ANKDD1A: variants seen among roughly 807,000 people sequenced by gnomAD.
The protein encoded by ANKDD1A is ankyrin repeat and death domain-containing protein 1A.
ANKDD1A carries 59 observed loss-of-function variants against 63.5 expected under a neutral mutation model. The ratio of observed to expected loss-of-function variants is 0.93; its 90% CI spans 0.75 to 1.15. ANKDD1A has a LOEUF of 1.15. Among genes scored for constraint, ANKDD1A ranks in the 50% most tolerant of loss-of-function variants. The pLI, the probability that ANKDD1A is intolerant of heterozygous loss-of-function variation, is 0.00. For synonymous variants in ANKDD1A, 266 were observed against 263.9 expected (o/e 1.01, Z -0.08); for missense variants, 632 against 656.4 (o/e 0.96, Z 0.41).
At chr15:64,940,887 C>T (rs2085178579) in intron 9 of ANKDD1A, among the ~76,000 whole-genome samples, 1 of 152,138 alleles carries the variant, frequency 6.6e-6, no homozygotes, top group Non-Finnish European at 1.5e-5. Flanking sequence ...TACAGGTGTG[C>T]ACCACTATGC....
At chr15:64,953,801 CCTTTT>C (rs1566917920) in intron 14 of ANKDD1A, among the ~76,000 whole-genome samples, 1,888 of 123,778 alleles carry the variant, frequency 0.015, 19 homozygotes, top group South Asian at 0.047. Flanking sequence ...CTTTCTTCTT[CCTTTT>C]TTTCTTCTTC....
At chr15:64,931,362 AGGGCAGT>A in intron 7 of ANKDD1A, 118 bp from the exon 8 acceptor site, 2 of 777,576 alleles carry the variant, frequency 2.6e-6, no homozygotes, top group South Asian at 1.8e-5. Context: ...TCCCAGGGGC[AGGGCAGT>A]GGAGAGCTCA....
intron 14 of ANKDD1A, chr15:64,951,393 T>C (rs2085272181): frequency 3.9e-6 from 1 of 254,746 alleles, no homozygotes; most frequent in Non-Finnish European, 5.1e-6. Flanking sequence ...CTTTTCTTCT[T>C]CCTCTTTTTT....
intron 10 of ANKDD1A, chr15:64,943,164 A>G (rs926574309): frequency 4.6e-5 from 14 of 301,980 alleles, no homozygotes; most frequent in Non-Finnish European, 7.4e-5. Context: ...CTTCAATTTG[A>G]AAATGGCCTA....
rs995828353 is a variant in ANKDD1A at position 64,957,792 on chromosome 15, T to G, written c.*604T>G. On this transcript the variant is annotated 3_prime_UTR_variant, in exon 15 of 15. Transcript: ENST00000319580. ...TGGCTTCCCTGCTCTCAGTGAAGCATTTTATTAAAAGAATAATTATAATTA... is the reference window on the plus strand; with the variant it reads ...TGGCTTCCCTGCTCTCAGTGAAGCAGTTTATTAAAAGAATAATTATAATTA... 1 of 152,210 alleles carries G rather than the reference T, an allele frequency of 6.6e-6. No individual in the cohort carries two copies. Among genetic ancestry groups the G allele is most frequent in the Non-Finnish European group, 1.5e-5 (1 of 68,042 alleles). The allele number at this position is 152,210 out of a possible 1,614,324, so 9.4% of individuals were successfully genotyped here.
chr15:64,954,433 GTCGTCTTCTCCTTCTTCT>G (rs2085385500), intron 14 of ANKDD1A, among the ~76,000 whole-genome samples: 1 of 109,948 alleles, frequency 9.1e-6, no homozygotes, highest in Non-Finnish European at 1.8e-5. Context: ...TCCTTCGTTC[GTCGTCTTCTCCTTCTTCT>G]TCTTCCCTCT....
At position 64,926,106 on chromosome 15, in the gene ANKDD1A, A is replaced by G. The variant is rs1487418984; in HGVS notation, c.407A>G (p.His136Arg). The change falls in exon 5 of 15, where the codon CAT becomes CGT. Residue 136 changes from histidine (H) to arginine (R), a missense_variant. Transcript: ENST00000319580. ...TLLHCAAQKGHVPVLAFIMED... is the reference protein window; with the variant it reads ...TLLHCAAQKGRVPVLAFIMED... ...CTGCACTGCGCAGCCCAAAAAGGCCATGTGCCTGTGCTGGCGTTCATAATG... is the reference window on the plus strand; with the variant it reads ...CTGCACTGCGCAGCCCAAAAAGGCCGTGTGCCTGTGCTGGCGTTCATAATG... The G allele has an allele frequency of 1.9e-6, 3 of 1,614,022 alleles. No homozygotes were observed. Among genetic ancestry groups the G allele is most frequent in the South Asian group, 1.1e-5 (1 of 91,072 alleles).
chr15:64,926,906 G>C lies in ANKDD1A; in HGVS notation c.477G>C (p.Gly159=), dbSNP rs760540390. The stretch of plus-strand genomic sequence containing the variant: ...CCGCTTCTCCTCCCGGCCAGCTGGG[G>C]AGGACGGCGTTTCACAGGGCAGCTG... ...DVALDHVDKL[G]RTAFHRAAEH... Residue 159 remains glycine (G), a synonymous_variant, in exon 6 of 15, where the codon GGG becomes GGC. Coordinates refer to ENST00000319580, the MANE Select transcript of ANKDD1A (RefSeq NM_182703.6). 7.4e-6 allele frequency: 12 copies of C among 1,614,198 alleles called. No homozygotes were observed. The African/African-American group carries it at 1.6e-4, about 22-fold the overall frequency.
At chr15:64,952,262 T>G (rs930618952) in intron 14 of ANKDD1A, among the ~76,000 whole-genome samples, 1 of 150,688 alleles carries the variant, frequency 6.6e-6, no homozygotes, top group African/African-American at 2.4e-5. Context: ...TCCTTCTTCC[T>G]TCTCCTTCTT....
At chr15:64,952,995 TTC>T (rs567236917) in intron 14 of ANKDD1A, among the ~76,000 whole-genome samples, 401 of 11,898 alleles carry the variant, frequency 0.034, 1 homozygote, top group Admixed American at 0.15. Context: ...CTTCTTCTCC[TTC>T]TTAGTTCTTT....
chr15:64,943,582 G>T lies in ANKDD1A; in HGVS notation c.1065G>T (p.Lys355Asn), dbSNP rs182531402. Residue 355 changes from lysine to asparagine, a missense_variant and splice_region_variant, in exon 11 of 15, where the codon AAG becomes AAT. By Grantham distance (94) the Lys-to-Asn change is moderately conservative (BLOSUM62 0). Transcript: ENST00000319580. Reference sequence around the variant, plus strand: ...GGGTTGACTTAAACCTGAGAGATAAGGTACCTCTGCTTACAACCCACCTCG... The same window carrying T: ...GGGTTGACTTAAACCTGAGAGATAATGTACCTCTGCTTACAACCCACCTCG... ...IAGVDLNLRDKQGKTALAVAV... is the reference protein window; with the variant it reads ...IAGVDLNLRDNQGKTALAVAV... 3.7e-6 allele frequency: 6 copies of T among 1,614,052 alleles called. No individual in the cohort carries two copies. In the East Asian group the frequency reaches 1.1e-4, roughly 30 times the overall value.
At chr15:64,950,748 C>A in intron 14 of ANKDD1A, 2 of 377,518 alleles carry the variant, frequency 5.3e-6, no homozygotes, top group Non-Finnish European at 3.3e-6. Context: ...CCCCCCCCCC[C>A]CCATAGCTGC....
At chr15:64,933,702 C>T (rs568716098) in intron 8 of ANKDD1A, among the ~76,000 whole-genome samples, 9 of 152,186 alleles carry the variant, frequency 5.9e-5, no homozygotes, top group East Asian at 5.8e-4. Flanking sequence ...ATTAGCTGGG[C>T]GTAGTGGCAG....
Position 64,953,641 on chromosome 15 carries a change from C to CT in ANKDD1A, c.1484-3461dup, listed in dbSNP as rs1595860389. 2.7e-3 allele frequency among the ~76,000 whole-genome samples: 11 copies of CT among 4,062 alleles called. No individual in the cohort carries two copies. The East Asian group carries it at 0.075, about 28-fold the overall frequency. 2.7% of individuals were successfully genotyped at this position (4,062 alleles called of 152,430 possible). On this transcript the variant is annotated intron_variant, in intron 14 of 14. Coordinates refer to ENST00000319580, the MANE Select transcript of ANKDD1A (RefSeq NM_182703.6). ...TTCTTCTTCTTCTTCCTTCTTCTTC[C>CT]TCTTCCTTCTCCTTCTTTTCTTTCT... is the stretch of plus-strand genomic sequence containing the variant.
At chr15:64,956,310 G>A (rs2085416173) in intron 14 of ANKDD1A, among the ~76,000 whole-genome samples, 1 of 151,714 alleles carries the variant, frequency 6.6e-6, no homozygotes, top group Admixed American at 6.6e-5. Flanking sequence ...AGCACTTTGG[G>A]AGGGCAAGGC....
chr15:64,923,581 T>C (rs139471791), intron 4 of ANKDD1A, among the ~76,000 whole-genome samples: 3 of 152,302 alleles, frequency 2.0e-5, no homozygotes, highest in African/African-American at 7.2e-5. Flanking sequence ...CCCATGCCAT[T>C]GTTAGGATCC....
rs2085223385 is a variant in ANKDD1A, at chr15:64,946,414, A to G, written c.1162-990A>G. Among the ~76,000 whole-genome samples, 4 of 152,214 alleles carry G rather than the reference A, an allele frequency of 2.6e-5. No homozygotes were observed. In the South Asian group the frequency reaches 8.3e-4, roughly 32 times the overall value. The stretch of plus-strand genomic sequence containing the variant: ...AGATGTTCTCCCACTGATATGCTAG[A>G]TTCCCTTAAACATGACAACCCCTTT... On this transcript the variant is annotated intron_variant, in intron 12 of 14. Transcript: ENST00000319580.
chr15:64,949,871 G>T lies in ANKDD1A; in HGVS notation c.1382G>T (p.Arg461Leu). Residue 461 changes from arginine to leucine, a missense_variant, in exon 14 of 15, where the codon CGA (arginine) becomes CTA (leucine). Coordinates refer to ENST00000319580, the MANE Select transcript of ANKDD1A (RefSeq NM_182703.6). ...GTRSYQEHGHRMLLIWLHGVA... is the reference protein window; with the variant it reads ...GTRSYQEHGHLMLLIWLHGVA... ...AGGAGCTATCAGGAGCACGGCCACC[G>T]AATGCTGCTCATTTGGCTGCATGGC... 6.2e-7 allele frequency: 1 copy of T among 1,604,176 alleles called. No homozygotes were observed. The highest frequency in any genetic ancestry group is 1.1e-5 in the South Asian group (1 of 91,076).
intron 14 of ANKDD1A, among the ~76,000 whole-genome samples, chr15:64,953,562 C>CCTT (rs2085347072): frequency 2.5e-3 from 220 of 88,894 alleles, no homozygotes; most frequent in Middle Eastern, 7.2e-3. Flanking sequence ...CTTCTTTCTT[C>CCTT]CTCCTTCTTC....
Sources: allele counts gnomAD v4.1 joint callset (sites outside exome capture counted in the v4.1 genomes callset), GRCh38; gene constraint gnomAD v4.1.1; transcripts MANE v1.5; gene names NCBI Gene and HGNC (gene_info 2026-07-23, HGNC 2026-07-21).